The following MSRB1 variants were observed in gnomAD, a reference collection of about 807,000 sequenced individuals.
The protein encoded by MSRB1 is methionine-R-sulfoxide reductase B1.
A neutral mutation model predicts 15.2 loss-of-function variants in MSRB1; 13 were observed. The observed-to-expected ratio is 0.86, with a 90% CI of 0.56 to 1.36. MSRB1 has a LOEUF of 1.36. Ranked by LOEUF, MSRB1 falls within the 40% of genes most tolerant of loss-of-function variation. The pLI, the probability that MSRB1 is intolerant of heterozygous loss-of-function variation, is 0.00. For missense variants in MSRB1, 174 were observed against 155.9 expected (o/e 1.12, Z -0.62); for synonymous variants, 68 against 64.5 (o/e 1.05, Z -0.26).
intron 1 of MSRB1, among the ~76,000 whole-genome samples, chr16:1,942,838 C>T (rs2083087635): frequency 6.6e-6 from 1 of 152,172 alleles, no homozygotes; most frequent in Non-Finnish European, 1.5e-5. Flanking sequence ...AGACCCACCC[C>T]CGAAACGGCA....
intron 1 of MSRB1, 77 bp downstream of exon 1, chr16:1,943,025 C>G (rs972415321): frequency 2.0e-6 from 3 of 1,535,558 alleles, no homozygotes; most frequent in African/African-American, 2.8e-5. Context: ...AGACATCACC[C>G]CCGGACGACG....
rs779480078 is a variant in MSRB1 at position 1,939,080 on chromosome 16, G to C, written c.*32C>G. 13 of 1,612,552 alleles carry C rather than the reference G, an allele frequency of 8.1e-6. No individual in the cohort carries two copies. The highest frequency in any genetic ancestry group is 1.3e-5 in the African/African-American group (1 of 74,868). ...ATGGCCAACGTGTGGCCTCAGTGTG[G>C]TGGCCGTCTGGGGTGGGTGTGGGCT... On this transcript the variant is annotated 3_prime_UTR_variant, in exon 4 of 4. Coordinates refer to ENST00000361871, the MANE Select transcript of MSRB1 (RefSeq NM_016332.4).
chr16:1,940,832 G>A lies in MSRB1; in HGVS notation c.265C>T (p.Pro89Ser), dbSNP rs565623090. Residue 89 changes from proline to serine, a missense_variant, in exon 3 of 4, where the codon CCG becomes TCG. By Grantham distance (74) the Pro-to-Ser change is moderately conservative. Coordinates refer to ENST00000361871, the MANE Select transcript of MSRB1 (RefSeq NM_016332.4). ...AATATTCAGAATCGGGACTGCCCCGGCTTGGGGCCGTCGTTCAGGAACTCG... is the reference window on the plus strand; with the variant it reads ...AATATTCAGAATCGGGACTGCCCCGACTTGGGGCCGTCGTTCAGGAACTCG... ...GHEFLNDGPK[P>S]GQSRFUIFSS... 1 of 1,614,128 alleles carries A rather than the reference G, an allele frequency of 6.2e-7. No individual in the cohort carries two copies. Among genetic ancestry groups the A allele is most frequent in the African/African-American group, 1.3e-5 (1 of 75,046 alleles).
rs2083056965 is a variant in MSRB1, at chr16:1,938,974, G to C, written c.*138C>G. On this transcript the variant is annotated 3_prime_UTR_variant, in exon 4 of 4. Transcript: ENST00000361871. ...ACGAAAAGGTCTTGTTCAGAGCCGG[G>C]GCCTTGGGAGTGTCCTGATGTTTCA... 9.1e-7 allele frequency: 1 copy of C among 1,100,822 alleles called. No homozygotes were observed. Among genetic ancestry groups the C allele is most frequent in the Admixed American group, 2.1e-5 (1 of 46,894 alleles). The allele number at this position is 1,100,822 out of a possible 1,614,324, so 68.2% of individuals were successfully genotyped here.
At chr16:1,939,836 C>G (rs997464683) in intron 3 of MSRB1, among the ~76,000 whole-genome samples, 3 of 151,578 alleles carry the variant, frequency 2.0e-5, no homozygotes, top group African/African-American at 7.3e-5. Context: ...AGCCTGTAAT[C>G]CCAGCTACTC....
chr16:1,940,585 G>A (rs1049107311), intron 3 of MSRB1, among the ~76,000 whole-genome samples, 193 bp downstream of exon 3: 2 of 152,250 alleles, frequency 1.3e-5, no homozygotes, highest in Non-Finnish European at 2.9e-5. Context: ...TCAACCAAGC[G>A]AGGAAGCGGA....
rs2083058856 is a variant in MSRB1 at position 1,939,154 on chromosome 16, G to A, written c.320-11C>T. 1.2e-6 allele frequency: 2 copies of A among 1,601,954 alleles called. No individual in the cohort carries two copies. Among genetic ancestry groups the A allele is most frequent in the African/African-American group, 1.4e-5 (1 of 73,882 alleles). On this transcript the variant is annotated splice_polypyrimidine_tract_variant and intron_variant, in intron 3 of 3. Transcript: ENST00000361871. ...CAGAAGTTTCTTTGCCTGAAAGAGA[G>A]GAGAGGGGGCGGAAAGTATGCGGGG...
At chr16:1,941,013 G>C in intron 2 of MSRB1, 121 bp from the exon 3 acceptor site, 1 of 1,557,646 alleles carries the variant, frequency 6.4e-7, no homozygotes. Flanking sequence ...GCTGACCGCC[G>C]ACATAAGAGG....
intron 2 of MSRB1, 21 bp downstream of exon 2, chr16:1,941,236 C>T (rs767764954): frequency 1.2e-6 from 2 of 1,613,556 alleles, no homozygotes; most frequent in African/African-American, 1.3e-5. Context: ...CCGTCCCTCC[C>T]CCACCCCTGT....
chr16:1,938,657 G>A lies in MSRB1; in HGVS notation c.*455C>T, dbSNP rs1315717330. The A allele has an allele frequency of 1.9e-5, 4 of 206,490 alleles. No individual in the cohort carries two copies. Among genetic ancestry groups the A allele is most frequent in the South Asian group, 6.0e-5 (1 of 16,730 alleles). The allele number at this position is 206,490 out of a possible 1,614,324, so 12.8% of individuals were successfully genotyped here. Reference sequence around the variant, plus strand: ...CAGGGCCAGGGCGGCTGGCAGGGGCGGCCTCCGTTTCCATTCTGTCTCCTA... The same window carrying A: ...CAGGGCCAGGGCGGCTGGCAGGGGCAGCCTCCGTTTCCATTCTGTCTCCTA... On this transcript the variant is annotated 3_prime_UTR_variant, in exon 4 of 4. Coordinates refer to ENST00000361871, the MANE Select transcript of MSRB1 (RefSeq NM_016332.4).
Position 1,941,356 on chromosome 16 carries a change from C to T in MSRB1, c.105G>A (p.Ser35=), listed in dbSNP as rs201743727. Residue 35 remains serine (S), a synonymous_variant, in exon 2 of 4, where the codon TCG becomes TCA. Coordinates refer to ENST00000361871, the MANE Select transcript of MSRB1 (RefSeq NM_016332.4). ...KCGYELFSSR[S]KYAHSSPWPA... ...GCCATGGAGACGAGTGTGCATACTT[C>T]GAGCGGCTGGAGAACAGCTCATAGC... 8 of 1,613,836 alleles carry T rather than the reference C, an allele frequency of 5.0e-6. No individual in the cohort carries two copies. The African/African-American group carries it at 5.3e-5, about 11-fold the overall frequency.
chr16:1,941,466 C>A, intron 1 of MSRB1, 61 bp from the exon 2 acceptor site: 2 of 1,518,984 alleles, frequency 1.3e-6, no homozygotes, highest in Non-Finnish European at 1.8e-6. Context: ...GGGTCAAGCT[C>A]CCAAATCCAC....
chr16:1,941,327 GC>G lies in MSRB1; in HGVS notation c.133del (p.Ala45ArgfsTer23), dbSNP rs1567306677. 3.1e-6 allele frequency: 5 copies of G among 1,613,830 alleles called. No individual in the cohort carries two copies. The highest frequency in any genetic ancestry group is 4.2e-6 in the Non-Finnish European group (5 of 1,179,998). ...GTCGGCGTGAATGGTCTCGGTGAAC[GC>G]CGGCCATGGAGACGAGTGTGCATAC... ...SKYAHSSPWP[A>X]FTETIHADSV... On this transcript the variant is annotated frameshift_variant, in exon 2 of 4. Coordinates refer to ENST00000361871, the MANE Select transcript of MSRB1 (RefSeq NM_016332.4). LOFTEE classifies it high-confidence loss of function.
Position 1,941,347 on chromosome 16 carries a change from T to C in MSRB1, c.114A>G (p.Ala38=), listed in dbSNP as rs2083075957. The C allele has an allele frequency of 6.2e-7, 1 of 1,613,576 alleles. No individual in the cohort carries two copies. The highest frequency in any genetic ancestry group is 1.3e-5 in the African/African-American group (1 of 74,840). The change falls in exon 2 of 4, where the codon GCA becomes GCG. Residue 38 remains alanine (A), a synonymous_variant. Coordinates refer to ENST00000361871, the MANE Select transcript of MSRB1 (RefSeq NM_016332.4). Reference sequence around the variant, plus strand: ...TGAACGCCGGCCATGGAGACGAGTGTGCATACTTCGAGCGGCTGGAGAACA... The same window carrying C: ...TGAACGCCGGCCATGGAGACGAGTGCGCATACTTCGAGCGGCTGGAGAACA... ...YELFSSRSKY[A]HSSPWPAFTE... is the part of the protein sequence containing the mutation.
At position 1,940,902 on chromosome 16, in the gene MSRB1, T is replaced by C. The variant is rs758512081; in HGVS notation, c.205-10A>G. On this transcript the variant is annotated splice_polypyrimidine_tract_variant and intron_variant, in intron 2 of 3. Transcript: ENST00000361871. ...ACTTGCCACAGGACACCTGGAAAGATCACAAGGCAGCTGGGTGAGCTTCTG... is the reference window on the plus strand; with the variant it reads ...ACTTGCCACAGGACACCTGGAAAGACCACAAGGCAGCTGGGTGAGCTTCTG... 6.2e-7 allele frequency: 1 copy of C among 1,613,914 alleles called. No individual in the cohort carries two copies. Among genetic ancestry groups the C allele is most frequent in the Non-Finnish European group, 8.5e-7 (1 of 1,180,020 alleles).
At position 1,938,946 on chromosome 16, in the gene MSRB1, G is replaced by A. The variant is rs1432075037; in HGVS notation, c.*166C>T. 2 of 923,236 alleles carry A rather than the reference G, an allele frequency of 2.2e-6. No individual in the cohort carries two copies. The highest frequency in any genetic ancestry group is 1.7e-6 in the Non-Finnish European group (1 of 592,874). The allele number at this position is 923,236 out of a possible 1,614,324, so 57.2% of individuals were successfully genotyped here. A position where few individuals can be genotyped will look rare whatever the true frequency, so the allele number is the denominator to read the frequency against. On this transcript the variant is annotated 3_prime_UTR_variant, in exon 4 of 4. Transcript: ENST00000361871. ...ATCAGCAAATGAGTCTCTTTTCCAA[G>A]AAACGAAAAGGTCTTGTTCAGAGCC...
In MSRB1 at chr16:1,939,007, C is replaced by T. The variant is rs1159848683; in HGVS notation, c.*105G>A. 9.2e-6 allele frequency: 13 copies of T among 1,417,820 alleles called. No homozygotes were observed. Among genetic ancestry groups the T allele is most frequent in the African/African-American group, 2.8e-5 (2 of 70,540 alleles). 87.8% of individuals were successfully genotyped at this position (1,417,820 alleles called of 1,614,324 possible). On this transcript the variant is annotated 3_prime_UTR_variant, in exon 4 of 4. Coordinates refer to ENST00000361871, the MANE Select transcript of MSRB1 (RefSeq NM_016332.4). ...GAGTGTCCTGATGTTTCAACCACTG[C>T]GCCCTGCCTTCCTGTCTCGACGCCC...
intron 1 of MSRB1, chr16:1,941,664 T>A: frequency 5.6e-6 from 3 of 538,606 alleles, no homozygotes; most frequent in Non-Finnish European, 9.9e-6. Context: ...TCCTAACATT[T>A]CCATCTTTGC....
At chr16:1,943,032 G>T (rs1230115091) in intron 1 of MSRB1, 70 bp downstream of exon 1, 7 of 1,538,100 alleles carry the variant, frequency 4.6e-6, no homozygotes, top group Non-Finnish European at 5.3e-6. Flanking sequence ...ACCCCCGGAC[G>T]ACGGCGGCGC....
Sources: allele counts gnomAD v4.1 joint callset (sites outside exome capture counted in the v4.1 genomes callset), GRCh38; gene constraint gnomAD v4.1.1; transcripts MANE v1.5; gene names NCBI Gene and HGNC (gene_info 2026-07-23, HGNC 2026-07-21).